The following MCCC1 variants were observed in gnomAD, a reference collection of about 807,000 sequenced individuals.
MCCC1 encodes the protein methylcrotonoyl-CoA carboxylase subunit alpha, mitochondrial.
In MCCC1, 64 loss-of-function variants were observed where a neutral mutation model predicts 83.8. The ratio of observed to expected loss-of-function variants is 0.76; its 90% CI spans 0.62 to 0.94. The LOEUF is 0.94. Ranked by LOEUF, MCCC1 falls within the 40% of genes least tolerant of loss-of-function variation. The pLI is 0.00. For missense variants in MCCC1, 807 were observed against 904.7 expected, an observed-to-expected ratio of 0.89 and a Z score of 1.39; for synonymous variants, 322 against 315.4, an observed-to-expected ratio of 1.02 and a Z score of -0.22.
chr3:183,113,116 C>A (rs1023124727), intron 1 of MCCC1, among the ~76,000 whole-genome samples: 5 of 149,936 alleles, frequency 3.3e-5, no homozygotes, highest in Non-Finnish European at 7.4e-5. Flanking sequence ...CTCAGCTACT[C>A]GGGAGGCTGA....
rs1274463583 is a variant in MCCC1, at chr3:183,036,282, C to CT, written c.1594+935dup. On this transcript the variant is annotated intron_variant, in intron 13 of 18. Transcript: ENST00000265594. Reference sequence around the variant, plus strand: ...CTTCCTATGCTTGGATTCTATGACACTATGAAGTCTCTAGGTAGACATTCA... The same window carrying CT: ...CTTCCTATGCTTGGATTCTATGACACTTATGAAGTCTCTAGGTAGACATTCA... Among the ~76,000 whole-genome samples the CT allele has an allele frequency of 5.9e-5, 9 of 152,132 alleles. No homozygotes were observed. In the East Asian group the frequency reaches 1.4e-3, roughly 23 times the overall value.
intron 18 of MCCC1, 98 bp from the exon 19 acceptor site, chr3:183,015,664 G>T: frequency 1.4e-6 from 2 of 1,449,512 alleles, no homozygotes; most frequent in South Asian, 1.1e-5. Flanking sequence ...GAAAACTGTA[G>T]CCAACTTTGA....
chr3:183,114,087 C>T (rs908409443), intron 1 of MCCC1, among the ~76,000 whole-genome samples: 2 of 152,168 alleles, frequency 1.3e-5, no homozygotes, highest in African/African-American at 2.4e-5. Context: ...CCCAGCACAT[C>T]CAAGAATGCA....
rs1018490825 is a variant in MCCC1 at position 183,099,255 on chromosome 3, A to C, written c.89+97T>G. 130 of 1,430,632 alleles carry C rather than the reference A, an allele frequency of 9.1e-5. No individual in the cohort carries two copies. The Middle Eastern group carries it at 1.8e-3, about 20-fold the overall frequency. The allele number at this position is 1,430,632 out of a possible 1,614,324, so 88.6% of individuals were successfully genotyped here. A position where few individuals can be genotyped will look rare whatever the true frequency, so the allele number is the denominator to read the frequency against. On this transcript the variant is annotated intron_variant, in intron 1 of 18. Coordinates refer to ENST00000265594, the MANE Select transcript of MCCC1 (RefSeq NM_020166.5). ...GGGGTTTTCCTACCGTCCTCCCCAC[A>C]CCGACCCTGGGTTCCGCCGCACCTC...
chr3:183,061,755 T>A (rs1263384777), intron 7 of MCCC1, among the ~76,000 whole-genome samples: 1 of 152,248 alleles, frequency 6.6e-6, no homozygotes, highest in Non-Finnish European at 1.5e-5. Flanking sequence ...TTAGCCTTTT[T>A]CTTGCTTTTT....
In MCCC1 at chr3:183,071,193, A is replaced by AGATGTGTGTGTG. The variant is rs1387327286; in HGVS notation, c.639+16_639+17insCACACACACATC. On this transcript the variant is annotated intron_variant, in intron 6 of 18. Transcript: ENST00000265594. ...AGACAAGCCTGAATTGGCAAACACA[A>AGATGTGTGTGTG]GCATGCACAATCTTACTTTTCCTCC... 2 of 1,614,104 alleles carry AGATGTGTGTGTG rather than the reference A, an allele frequency of 1.2e-6. No homozygotes were observed. The highest frequency in any genetic ancestry group is 4.5e-5 in the East Asian group (2 of 44,902).
chr3:183,092,336 A>G lies in MCCC1; in HGVS notation c.273+73T>C, dbSNP rs992495790. 4.9e-5 allele frequency: 78 copies of G among 1,594,470 alleles called. 1 individual carries two copies. In the South Asian group the frequency reaches 7.0e-4, roughly 14 times the overall value. On this transcript the variant is annotated intron_variant, in intron 3 of 18. Transcript: ENST00000265594. The stretch of plus-strand genomic sequence containing the variant: ...ATAACACTAGCAAATATCAACTGTC[A>G]TCATAAAGAACGAAAATACTGACAC...
intron 8 of MCCC1, among the ~76,000 whole-genome samples, chr3:183,056,176 T>C (rs1265372744): frequency 6.6e-6 from 1 of 152,320 alleles, no homozygotes; most frequent in East Asian, 1.9e-4. Flanking sequence ...TGACATTTAA[T>C]ATGTCAATAT....
Position 183,071,364 on chromosome 3 carries a change from A to G in MCCC1, c.492-7T>C, listed in dbSNP as rs768336115. On this transcript the variant is annotated splice_polypyrimidine_tract_variant and splice_region_variant and intron_variant, in intron 5 of 18. Coordinates refer to ENST00000265594, the MANE Select transcript of MCCC1 (RefSeq NM_020166.5). ...CATTATGGATTTGGATGTGCTTTAG[A>G]GTGGGAAAGAAAACAACATGCCCCA... The G allele has an allele frequency of 3.1e-6, 5 of 1,614,226 alleles. No homozygotes were observed. Among genetic ancestry groups the G allele is most frequent in the East Asian group, 4.5e-5 (2 of 44,890 alleles).
chr3:183,099,915 A>G (rs1719050091), upstream of MCCC1, among the ~76,000 whole-genome samples: 3 of 152,330 alleles, frequency 2.0e-5, no homozygotes, highest in South Asian at 6.2e-4. Flanking sequence ...AAAATCTTTA[A>G]ACCACCTGAG....
chr3:183,112,232 T>G (rs1719507152), intron 1 of MCCC1, among the ~76,000 whole-genome samples: 1 of 152,182 alleles, frequency 6.6e-6, no homozygotes, highest in South Asian at 2.1e-4. Flanking sequence ...AATTAAGATG[T>G]TTTTGCCTGT....
chr3:183,093,865 G>A (rs567263324), intron 2 of MCCC1, among the ~76,000 whole-genome samples: 14 of 152,050 alleles, frequency 9.2e-5, no homozygotes, highest in African/African-American at 3.4e-4. Flanking sequence ...GGAATTCCAT[G>A]TTAAATTTTA....
chr3:183,037,157 G>T, intron 13 of MCCC1, 61 bp downstream of exon 13: 1 of 1,497,810 alleles, frequency 6.7e-7, no homozygotes, highest in Non-Finnish European at 9.3e-7. Flanking sequence ...AGAAAGAAAA[G>T]CATGTTCAAT....
At chr3:183,059,966 G>T (rs1013567536) in intron 7 of MCCC1, among the ~76,000 whole-genome samples, 1 of 151,652 alleles carries the variant, frequency 6.6e-6, no homozygotes, top group South Asian at 2.1e-4. Context: ...ATATATTTTG[G>T]TATTTATTCT....
chr3:183,102,767 T>TG, upstream of MCCC1, among the ~76,000 whole-genome samples: 1 of 69,904 alleles, frequency 1.4e-5, no homozygotes, highest in Admixed American at 1.5e-4. Context: ...AGTTTTTTTT[T>TG]TTTTTTTTTT....
chr3:183,023,465 T>C (rs1274267803), intron 15 of MCCC1, among the ~76,000 whole-genome samples: 1 of 152,218 alleles, frequency 6.6e-6, no homozygotes, highest in Non-Finnish European at 1.5e-5. Context: ...TGTTTAAAGA[T>C]TCACGAAAAC....
intron 1 of MCCC1, among the ~76,000 whole-genome samples, chr3:183,109,877 G>T (rs557507421): frequency 6.6e-6 from 1 of 152,296 alleles, no homozygotes; most frequent in East Asian, 1.9e-4. Flanking sequence ...CACCAGCAGT[G>T]TATAAACGTT....
chr3:183,052,682 C>T (rs1163252157), intron 8 of MCCC1, among the ~76,000 whole-genome samples: 5 of 151,820 alleles, frequency 3.3e-5, no homozygotes, highest in Admixed American at 6.6e-5. Context: ...TGGTGGCGGG[C>T]GCCTGTAGTC....
chr3:183,017,388 T>A, intron 17 of MCCC1, 51 bp from the exon 18 acceptor site: 2 of 1,555,940 alleles, frequency 1.3e-6, no homozygotes, highest in Non-Finnish European at 1.8e-6. Context: ...AGGTCCTAGA[T>A]ATGTTCATCT....
Sources: allele counts gnomAD v4.1 joint callset (sites outside exome capture counted in the v4.1 genomes callset), GRCh38; gene constraint gnomAD v4.1.1; transcripts MANE v1.5; gene names NCBI Gene and HGNC (gene_info 2026-07-23, HGNC 2026-07-21).